Variants in CBLL1 observed in about 807,000 individuals in gnomAD.
The protein encoded by CBLL1 is E3 ubiquitin-protein ligase Hakai.
A neutral mutation model predicts 44.9 loss-of-function variants in CBLL1; 4 were observed. The ratio of observed to expected loss-of-function variants is 0.09; its 90% CI spans 0.04 to 0.20. The LOEUF is 0.20. Among genes scored for constraint, CBLL1 ranks in the 10% least tolerant of loss-of-function variants. The pLI, the probability that CBLL1 is intolerant of heterozygous loss-of-function variation, is 1.00. For synonymous variants in CBLL1, 235 were observed against 202.2 expected, an observed-to-expected ratio of 1.16 and a Z score of -1.38; for missense variants, 569 against 636.7, an observed-to-expected ratio of 0.89 and a Z score of 1.14.
Position 107,760,738 on chromosome 7 carries a change from G to A in CBLL1, c.*1560G>A, listed in dbSNP as rs1793730506. On this transcript the variant is annotated 3_prime_UTR_variant, in exon 6 of 6. Transcript: ENST00000440859. ...TTTAGAACATACTTCTTTTGACAAA[G>A]GGTGATCTGATTGCTAATTTACCAT... 6.6e-6 allele frequency: 1 copy of A among 152,100 alleles called. No individual in the cohort carries two copies. The highest frequency in any genetic ancestry group is 6.6e-5 in the Admixed American group (1 of 15,260). The allele number at this position is 152,100 out of a possible 1,614,324, so 9.4% of individuals were successfully genotyped here.
At chr7:107,756,012 A>G (rs954366390) in intron 5 of CBLL1, among the ~76,000 whole-genome samples, 5 of 152,204 alleles carry the variant, frequency 3.3e-5, no homozygotes, top group South Asian at 2.1e-4. Context: ...CACTGTATAT[A>G]TAAGCTCTTG....
At chr7:107,747,005 T>A (rs1303228782) in intron 1 of CBLL1, among the ~76,000 whole-genome samples, 3 of 152,250 alleles carry the variant, frequency 2.0e-5, no homozygotes, top group Non-Finnish European at 4.4e-5. Flanking sequence ...TGGCCAGTAG[T>A]CCTTAGTCAC....
chr7:107,755,327 T>A (rs1224221722), intron 4 of CBLL1, 91 bp from the exon 5 acceptor site: 6 of 497,070 alleles, frequency 1.2e-5, no homozygotes, highest in Non-Finnish European at 1.3e-5. Flanking sequence ...TCAAGTGTCT[T>A]CTAAGCCTTA....
chr7:107,758,354 G>C lies in CBLL1; in HGVS notation c.652G>C (p.Glu218Gln). The C allele has an allele frequency of 6.2e-7, 1 of 1,614,034 alleles. No individual in the cohort carries two copies. Among genetic ancestry groups the C allele is most frequent in the Non-Finnish European group, 8.5e-7 (1 of 1,180,002 alleles). The part of the protein sequence containing the change: ...PIAPPPTEIP[E>Q]RFIMPPDKHH... ...TGCCCCACCACCAACTGAAATCCCT[G>C]AGCGTTTTATAATGCCACCAGACAA... Residue 218 changes from glutamate (E) to glutamine (Q), a missense_variant, in exon 6 of 6, where the codon GAG becomes CAG. Coordinates refer to ENST00000440859, the MANE Select transcript of CBLL1 (RefSeq NM_024814.4). This position sits in a 1 kb window ranked among gnomAD's most constrained non-coding sequence, Gnocchi z 4.2.
intron 2 of CBLL1, among the ~76,000 whole-genome samples, chr7:107,751,670 G>A (rs977936694): frequency 3.3e-5 from 5 of 152,138 alleles, no homozygotes; most frequent in Non-Finnish European, 5.9e-5. Flanking sequence ...AAAACAACAC[G>A]TTAGTGTACA....
intron 1 of CBLL1, chr7:107,744,812 C>T (rs1172935107): frequency 6.6e-6 from 1 of 152,206 alleles, no homozygotes; most frequent in Non-Finnish European, 1.5e-5. Flanking sequence ...AGTTTAAAAT[C>T]AAGGCATTCT....
chr7:107,752,848 T>G (rs1355545899), intron 2 of CBLL1, among the ~76,000 whole-genome samples: 1 of 152,222 alleles, frequency 6.6e-6, no homozygotes, highest in African/African-American at 2.4e-5. Flanking sequence ...GTGGTTTTAA[T>G]TGACAGGATG....
rs765583287 is a variant in CBLL1, at chr7:107,758,946, C to G, written c.1244C>G (p.Pro415Arg). 1.9e-6 allele frequency: 3 copies of G among 1,613,596 alleles called. No homozygotes were observed. The highest frequency in any genetic ancestry group is 2.5e-6 in the Non-Finnish European group (3 of 1,179,722). The stretch of plus-strand genomic sequence containing the variant: ...CCCCCACCTCAACATGGTGGTCCAC[C>G]TGTAACTGCACCCCCTCCTCACCAT... Reference protein sequence around the residue: ...GPPPPQHGGPPVTAPPPHHYN... With the variant: ...GPPPPQHGGPRVTAPPPHHYN... The change falls in exon 6 of 6, where the codon CCT becomes CGT. Residue 415 changes from proline (P) to arginine (R), a missense_variant. Pro to Arg is a moderately radical substitution (Grantham distance 103). This residue lies in a region of CBLL1 where 228 missense variants were observed against 253.2 expected (regional missense o/e 0.90). Coordinates refer to ENST00000440859, the MANE Select transcript of CBLL1 (RefSeq NM_024814.4). This position sits in a 1 kb window ranked among gnomAD's most constrained non-coding sequence, Gnocchi z 4.2.
At chr7:107,758,000 G>C in intron 5 of CBLL1, 143 bp from the exon 6 acceptor site, 1 of 757,816 alleles carries the variant, frequency 1.3e-6, no homozygotes, top group Non-Finnish European at 2.1e-6. Flanking sequence ...AAAGGTTTGC[G>C]TAGAATAACT....
chr7:107,753,156 C>G (rs1464470389), intron 2 of CBLL1, among the ~76,000 whole-genome samples: 1 of 152,162 alleles, frequency 6.6e-6, no homozygotes, highest in Non-Finnish European at 1.5e-5. Flanking sequence ...GGCTTTGCCA[C>G]TTATCTTCTA....
chr7:107,745,189 T>C (rs552764358), intron 1 of CBLL1, among the ~76,000 whole-genome samples: 62 of 152,122 alleles, frequency 4.1e-4, no homozygotes, highest in Non-Finnish European at 7.1e-4. Context: ...AATACGTTCT[T>C]TTTTTTTAAA....
chr7:107,753,619 C>G (rs1193210415), intron 3 of CBLL1, 108 bp downstream of exon 3: 16 of 605,276 alleles, frequency 2.6e-5, no homozygotes, highest in East Asian at 3.2e-5. Context: ...ATATTATGAA[C>G]TTATAACTAT....
chr7:107,753,592 T>A, intron 3 of CBLL1, 81 bp downstream of exon 3: 1 of 721,972 alleles, frequency 1.4e-6, no homozygotes, highest in Non-Finnish European at 2.2e-6. Context: ...ATTGGAGTAA[T>A]GCACAGTACA....
chr7:107,752,713 G>A (rs781404153), intron 2 of CBLL1: 58 of 488,070 alleles, frequency 1.2e-4, no homozygotes, highest in Non-Finnish European at 1.6e-4. Context: ...TTTTAATTAG[G>A]CCAGAGAAAT....
chr7:107,752,005 C>A (rs1021816938), intron 2 of CBLL1, among the ~76,000 whole-genome samples: 8 of 151,986 alleles, frequency 5.3e-5, no homozygotes, highest in African/African-American at 1.9e-4. Flanking sequence ...TGAGACCATC[C>A]TGGCTAACAC....
rs1423021048 is a variant in CBLL1 at position 107,761,525 on chromosome 7, C to T, written c.*2347C>T. ...TTCCTTACGGAAAAAGATGTGAATC[C>T]CAGCCTTATTTCAGGGAAGCCTTTG... On this transcript the variant is annotated 3_prime_UTR_variant, in exon 6 of 6. Transcript: ENST00000440859. 1 of 151,966 alleles carries T rather than the reference C, an allele frequency of 6.6e-6. No individual in the cohort carries two copies. The highest frequency in any genetic ancestry group is 1.9e-4 in the East Asian group (1 of 5,334). 9.4% of individuals were successfully genotyped at this position (151,966 alleles called of 1,614,324 possible). A position where few individuals can be genotyped will look rare whatever the true frequency, so the allele number is the denominator to read the frequency against.
intron 2 of CBLL1, among the ~76,000 whole-genome samples, chr7:107,750,321 T>G (rs1793227756): frequency 6.6e-6 from 1 of 152,074 alleles, no homozygotes; most frequent in African/African-American, 2.4e-5. Flanking sequence ...TCTTTTTTTT[T>G]TTGAGACAGA....
chr7:107,759,052 T>G lies in CBLL1; in HGVS notation c.1350T>G (p.Ser450Arg). 6.2e-7 allele frequency: 1 copy of G among 1,613,742 alleles called. No homozygotes were observed. Among genetic ancestry groups the G allele is most frequent in the Non-Finnish European group, 8.5e-7 (1 of 1,179,924 alleles). Reference protein sequence around the residue: ...SPPFTQPGGMSPGIWPAPRGP... With the variant: ...SPPFTQPGGMRPGIWPAPRGP... ...CATTTACACAACCAGGGGGAATGAG[T>G]CCTGGTATATGGCCTGCACCAAGAG... Residue 450 changes from serine (S) to arginine (R), a missense_variant, in exon 6 of 6, where the codon AGT (serine) becomes AGG (arginine). By Grantham distance (110) the Ser-to-Arg change is moderately radical. This residue lies in a region of CBLL1 where 228 missense variants were observed against 253.2 expected (regional missense o/e 0.90). Transcript: ENST00000440859.
chr7:107,760,418 C>T lies in CBLL1; in HGVS notation c.*1240C>T, dbSNP rs1424711913. ...TCATGGAGTCAACAGTGAAGACTAC[C>T]AGATAATTTTGTATTGGAGAAGAGG... On this transcript the variant is annotated 3_prime_UTR_variant, in exon 6 of 6. Transcript: ENST00000440859. The T allele has an allele frequency of 6.6e-6, 1 of 152,056 alleles. No individual in the cohort carries two copies. The highest frequency in any genetic ancestry group is 1.5e-5 in the Non-Finnish European group (1 of 67,922). The allele number at this position is 152,056 out of a possible 1,614,324, so 9.4% of individuals were successfully genotyped here.
Sources: gnomAD v4.1 joint callset for allele counts (sites outside exome capture counted in the v4.1 genomes callset) on GRCh38, gnomAD v4.1.1 for gene constraint, gnomAD v4.1.1 regional missense constraint, Gnocchi (gnomAD v3.1) non-coding constraint, MANE v1.5 for transcripts, NCBI Gene and HGNC (gene_info 2026-07-23, HGNC 2026-07-21) for gene names.